The following BAX variants were observed in gnomAD, a reference collection of about 807,000 sequenced individuals.
The protein encoded by BAX is apoptosis regulator BAX.
A neutral mutation model predicts 26.8 loss-of-function variants in BAX; 21 were observed. That is an observed-to-expected ratio of 0.78 (90% CI 0.56 to 1.13). The LOEUF is 1.13. Ranked by LOEUF, BAX falls within the 50% of genes most tolerant of loss-of-function variation. The pLI, the probability that BAX is intolerant of heterozygous loss-of-function variation, is 0.00. For synonymous variants in BAX, 110 were observed against 101.8 expected (o/e 1.08, Z -0.49); for missense variants, 236 against 254.6 (o/e 0.93, Z 0.50).
chr19:48,959,979 C>G (rs2038291345), intron 4 of BAX, among the ~76,000 whole-genome samples: 1 of 108,498 alleles, frequency 9.2e-6, no homozygotes, highest in Admixed American at 9.8e-5. Context: ...GGTGTCAGAG[C>G]AAGACTCCAT....
At position 48,961,450 on chromosome 19, in the gene BAX, C is replaced by T. The variant is rs1038238835; in HGVS notation, c.475-82C>T. On this transcript the variant is annotated intron_variant, in intron 5 of 5. Transcript: ENST00000345358. ...TGCCCGCAATCCTGCCTTCTGGCCT[C>T]CTCCGTCCCTGATCCCGCCTCTGCC... 19 of 1,339,886 alleles carry T rather than the reference C, an allele frequency of 1.4e-5. No individual in the cohort carries two copies. In the Admixed American group the frequency reaches 3.0e-4, roughly 21 times the overall value. The allele number at this position is 1,339,886 out of a possible 1,614,324, so 83.0% of individuals were successfully genotyped here. A position where few individuals can be genotyped will look rare whatever the true frequency, so the allele number is the denominator to read the frequency against.
At chr19:48,961,166 T>G (rs1240746699) in intron 5 of BAX, 6 of 1,527,916 alleles carry the variant, frequency 3.9e-6, no homozygotes, top group Non-Finnish European at 3.5e-6. Context: ...CTTGACTTGA[T>G]TAGTGCCTTC....
rs61415800 is a variant in BAX, at chr19:48,957,265, C to CTTTTTTTTTTT, written c.369+949_369+959dup. 8.6e-4 allele frequency among the ~76,000 whole-genome samples: 47 copies of CTTTTTTTTTTT among 54,944 alleles called. 9 individuals are homozygous for CTTTTTTTTTTT. Among genetic ancestry groups the CTTTTTTTTTTT allele is most frequent in the East Asian group, 3.1e-3 (4 of 1,294 alleles). The allele number at this position is 54,944 out of a possible 152,430, so 36.0% of individuals were successfully genotyped here. Reference sequence around the variant, plus strand: ...GGCTGCTGGAAAGACTTTTTCTTTTCTTTTTTTTTTTTTTTTTTTTTTTTT... The same window carrying CTTTTTTTTTTT: ...GGCTGCTGGAAAGACTTTTTCTTTTCTTTTTTTTTTTTTTTTTTTTTTTTTTTTTTTTTTTT... On this transcript the variant is annotated intron_variant, in intron 4 of 5. Transcript: ENST00000345358.
chr19:48,957,657 A>C (rs1337083643), intron 4 of BAX, among the ~76,000 whole-genome samples: 1 of 152,102 alleles, frequency 6.6e-6, no homozygotes, highest in Non-Finnish European at 1.5e-5. Flanking sequence ...CTGATTTATA[A>C]CTTTAAGAGA....
Position 48,957,265 on chromosome 19 carries a change from C to CTTTTTTTTTTTTTTTTTTTT in BAX, c.369+940_369+959dup, listed in dbSNP as rs61415800. On this transcript the variant is annotated intron_variant, in intron 4 of 5. Coordinates refer to ENST00000345358, the MANE Select transcript of BAX (RefSeq NM_138761.4). ...GGCTGCTGGAAAGACTTTTTCTTTT[C>CTTTTTTTTTTTTTTTTTTTT]TTTTTTTTTTTTTTTTTTTTTTTTT... 1.3e-4 allele frequency among the ~76,000 whole-genome samples: 7 copies of CTTTTTTTTTTTTTTTTTTTT among 54,944 alleles called. 1 individual carries two copies. The highest frequency in any genetic ancestry group is 5.5e-4 in the African/African-American group (7 of 12,720). 36.0% of individuals were successfully genotyped at this position (54,944 alleles called of 152,430 possible).
At position 48,955,577 on chromosome 19, in the gene BAX, A is replaced by C. The variant is rs1200395604; in HGVS notation, c.64A>C (p.Thr22Pro). 1 of 1,613,866 alleles carries C rather than the reference A, an allele frequency of 6.2e-7. No homozygotes were observed. The change falls in exon 2 of 6, where the codon ACA becomes CCA. Residue 22 changes from threonine (T) to proline (P), a missense_variant. Transcript: ENST00000345358. ...CACCAGCTCTGAGCAGATCATGAAG[A>C]CAGGGGCCCTTTTGCTTCAGGGGTG... ...GPTSSEQIMK[T>P]GALLLQGFIQ... is the part of the protein sequence containing the mutation.
chr19:48,955,525 T>A (rs1194730631), intron 1 of BAX, 23 bp from the exon 2 acceptor site: 2 of 1,607,284 alleles, frequency 1.2e-6, no homozygotes, highest in Admixed American at 3.4e-5. Context: ...TCCAGGTACC[T>A]CTTCCCTTCC....
chr19:48,961,154 A>C, intron 5 of BAX: 1 of 1,533,732 alleles, frequency 6.5e-7, no homozygotes, highest in Non-Finnish European at 8.7e-7. Flanking sequence ...CCTCACTGTG[A>C]CCTTGACTTG....
In BAX at chr19:48,960,829, C is replaced by A; in HGVS notation, c.389C>A (p.Pro130Gln). 6.2e-7 allele frequency: 1 copy of A among 1,613,416 alleles called. No individual in the cohort carries two copies. ...LVLKALCTKV[P>Q]ELIRTIMGWT... ...CCACAGGCCCTGTGCACCAAGGTGC[C>A]GGAACTGATCAGAACCATCATGGGC... is the stretch of plus-strand genomic sequence containing the variant. Residue 130 changes from proline (P) to glutamine (Q), a missense_variant, in exon 5 of 6, where the codon CCG becomes CAG. Pro to Gln is a moderately conservative substitution (Grantham distance 76). Coordinates refer to ENST00000345358, the MANE Select transcript of BAX (RefSeq NM_138761.4).
At chr19:48,961,169 G>A in intron 5 of BAX, 1 of 1,525,926 alleles carries the variant, frequency 6.6e-7, no homozygotes, top group East Asian at 2.3e-5. Flanking sequence ...GACTTGATTA[G>A]TGCCTTCTGC....
chr19:48,955,034 G>T, intron 1 of BAX, 72 bp downstream of exon 1: 4 of 1,238,332 alleles, frequency 3.2e-6, no homozygotes, highest in Non-Finnish European at 3.0e-6. Context: ...CTTCCTACCG[G>T]CCTGGGGCTG....
At position 48,961,565 on chromosome 19, in the gene BAX, T is replaced by G; in HGVS notation, c.508T>G (p.Trp170Gly). The change falls in exon 6 of 6, where the codon TGG (tryptophan) becomes GGG (glycine). Residue 170 changes from tryptophan (W) to glycine (G), a missense_variant. By Grantham distance (184) the Trp-to-Gly change is radical (BLOSUM62 -2). Coordinates refer to ENST00000345358, the MANE Select transcript of BAX (RefSeq NM_138761.4). ...GLLSYFGTPT[W>G]QTVTIFVAGV... ...CCTCTCCTACTTTGGGACGCCCACG[T>G]GGCAGACCGTGACCATCTTTGTGGC... The G allele has an allele frequency of 6.2e-7, 1 of 1,611,700 alleles. No homozygotes were observed. Among genetic ancestry groups the G allele is most frequent in the Non-Finnish European group, 8.5e-7 (1 of 1,179,010 alleles).
rs368942428 is a variant in BAX at position 48,959,206 on chromosome 19, C to T, written c.370-1604C>T. 4.5e-4 allele frequency among the ~76,000 whole-genome samples: 68 copies of T among 151,600 alleles called. 1 individual carries two copies. The East Asian group carries it at 0.012, about 28-fold the overall frequency. On this transcript the variant is annotated intron_variant, in intron 4 of 5. Transcript: ENST00000345358. Reference sequence around the variant, plus strand: ...TCTACTAAAAATACAAAAAATTAGCCGGGCATGGTGGTGGGCACTTGTAGT... The same window carrying T: ...TCTACTAAAAATACAAAAAATTAGCTGGGCATGGTGGTGGGCACTTGTAGT...
intron 4 of BAX, among the ~76,000 whole-genome samples, chr19:48,959,799 C>T (rs1035677333): frequency 5.4e-5 from 8 of 148,836 alleles, no homozygotes; most frequent in African/African-American, 2.0e-4. Context: ...GTACTCCAGC[C>T]TGGGCAACAA....
intron 3 of BAX, 103 bp from the exon 4 acceptor site, chr19:48,956,095 C>T (rs1377369689): frequency 1.4e-6 from 2 of 1,385,966 alleles, no homozygotes. Context: ...TTCAGCCTGG[C>T]TTGGGGCTCA....
chr19:48,959,349 CAAAAAAAAAAAAA>C (rs71179067), intron 4 of BAX, among the ~76,000 whole-genome samples: 3 of 73,034 alleles, frequency 4.1e-5, no homozygotes, highest in South Asian at 5.2e-4. Context: ...GACTCCGTCT[CAAAAAAAAAAAAA>C]AAAAAAAAAG....
At chr19:48,955,860 C>A in intron 3 of BAX, 27 bp downstream of exon 3, 1 of 1,552,152 alleles carries the variant, frequency 6.4e-7, no homozygotes. Flanking sequence ...ACCCAGAAGT[C>A]CAGCCACTGG....
chr19:48,958,322 G>A (rs2038216611), intron 4 of BAX, among the ~76,000 whole-genome samples: 2 of 150,700 alleles, frequency 1.3e-5, no homozygotes, highest in African/African-American at 4.9e-5. Context: ...TCTCCAACAG[G>A]GAGGGATATT....
rs1271021832 is a variant in BAX, at chr19:48,955,819, C to G, written c.219C>G (p.Asn73Lys). 2 of 1,601,282 alleles carry G rather than the reference C, an allele frequency of 1.2e-6. No homozygotes were observed. Among genetic ancestry groups the G allele is most frequent in the East Asian group, 2.2e-5 (1 of 44,692 alleles). Reference protein sequence around the residue: ...LKRIGDELDSNMELQRMIAAV... With the variant: ...LKRIGDELDSKMELQRMIAAV... ...GCATCGGGGACGAACTGGACAGTAA[C>G]ATGGAGCTGCAGAGGTGTGGGCCCC... Residue 73 changes from asparagine to lysine, a missense_variant, in exon 3 of 6, where the codon AAC (asparagine) becomes AAG (lysine). Physicochemically the swap from Asn to Lys is moderately conservative, Grantham distance 94. Transcript: ENST00000345358.
Sources: allele counts gnomAD v4.1 joint callset (sites outside exome capture counted in the v4.1 genomes callset), GRCh38; gene constraint gnomAD v4.1.1; transcripts MANE v1.5; gene names NCBI Gene and HGNC (gene_info 2026-07-23, HGNC 2026-07-21).